NAA25: variants seen among roughly 807,000 people sequenced by gnomAD.
NAA25 encodes N-alpha-acetyltransferase 25, NatB auxiliary subunit, also known as N-terminal acetyltransferase B complex subunit NAA25.
Under a neutral mutation model 132.5 loss-of-function variants are expected in NAA25, and 30 were observed. The ratio of observed to expected loss-of-function variants is 0.23; its 90% CI spans 0.17 to 0.31. The LOEUF is 0.31. Among genes scored for constraint, NAA25 ranks in the 10% least tolerant of loss-of-function variants. The pLI, the probability that NAA25 is intolerant of heterozygous loss-of-function variation, is 1.00. For synonymous variants in NAA25, 359 were observed against 401.9 expected (o/e 0.89, Z 1.28); for missense variants, 771 against 1,150.4 (o/e 0.67, Z 4.77).
intron 19 of NAA25, chr12:112,042,341 A>G: frequency 4.2e-6 from 1 of 239,314 alleles, no homozygotes; most frequent in Non-Finnish European, 7.9e-6. Context: ...ATTCCTTAAG[A>G]GAGCTTAAAA....
At chr12:112,100,171 CTATT>C (rs1289815305) in intron 1 of NAA25, among the ~76,000 whole-genome samples, 4 of 152,056 alleles carry the variant, frequency 2.6e-5, no homozygotes, top group Non-Finnish European at 4.4e-5. Flanking sequence ...CATTTGCCTC[CTATT>C]TATTTATGAC....
At chr12:112,048,484 A>T in intron 15 of NAA25, 41 bp from the exon 16 acceptor site, 1 of 1,572,142 alleles carries the variant, frequency 6.4e-7, no homozygotes. Flanking sequence ...ATAGTTCACA[A>T]GTCAGGCAAT....
At chr12:112,067,787 T>C (rs1256376089) in intron 11 of NAA25, among the ~76,000 whole-genome samples, 2 of 152,186 alleles carry the variant, frequency 1.3e-5, no homozygotes, top group South Asian at 2.1e-4. Context: ...GAGTCAATCA[T>C]GTGGTTGCTG....
intron 10 of NAA25, 69 bp downstream of exon 10, chr12:112,071,826 C>CGGTGGACGCCG: frequency 8.0e-7 from 1 of 1,247,876 alleles, no homozygotes. Flanking sequence ...GTGTAGATCT[C>CGGTGGACGCCG]AACTAATGAA....
At chr12:112,072,276 T>C (rs1201846139) in intron 9 of NAA25, among the ~76,000 whole-genome samples, 1 of 152,144 alleles carries the variant, frequency 6.6e-6, no homozygotes, top group Admixed American at 6.6e-5. Context: ...CAGCATAACT[T>C]ACCTTTTTAA....
At chr12:112,071,835 A>C in intron 10 of NAA25, 60 bp downstream of exon 10, 1 of 1,217,420 alleles carries the variant, frequency 8.2e-7, no homozygotes, top group South Asian at 1.7e-5. Context: ...TCAACTAATG[A>C]ATATAGCACT....
At chr12:112,076,277 G>GA (rs1477769616) in intron 7 of NAA25, among the ~76,000 whole-genome samples, 1 of 151,980 alleles carries the variant, frequency 6.6e-6, no homozygotes, top group Non-Finnish European at 1.5e-5. Flanking sequence ...TTACTTCAAA[G>GA]AAAAAAGTAC....
intron 11 of NAA25, among the ~76,000 whole-genome samples, chr12:112,068,265 G>A (rs920362605): frequency 6.6e-6 from 1 of 152,132 alleles, no homozygotes; most frequent in Non-Finnish European, 1.5e-5. Context: ...GCTGCCCATA[G>A]ATAGAGATGG....
chr12:112,044,121 C>T (rs1401326738), intron 17 of NAA25, among the ~76,000 whole-genome samples: 3 of 151,380 alleles, frequency 2.0e-5, no homozygotes, highest in Non-Finnish European at 2.9e-5. Flanking sequence ...TTAGTAGAGA[C>T]GGGTTTTCAC....
chr12:112,045,774 G>A (rs986747298), intron 17 of NAA25, among the ~76,000 whole-genome samples: 69 of 151,990 alleles, frequency 4.5e-4, no homozygotes, highest in Admixed American at 4.4e-3. Context: ...TAGCCTGGGC[G>A]ACAGAGACAG....
intron 11 of NAA25, among the ~76,000 whole-genome samples, chr12:112,062,204 T>G (rs1481150987): frequency 6.6e-6 from 1 of 151,902 alleles, no homozygotes; most frequent in Non-Finnish European, 1.5e-5. Flanking sequence ...CAAGACCAGC[T>G]GGGCCAACAT....
At chr12:112,107,213 T>C (rs1025607123) in intron 1 of NAA25, among the ~76,000 whole-genome samples, 3 of 152,032 alleles carry the variant, frequency 2.0e-5, no homozygotes, top group African/African-American at 4.8e-5. Context: ...TGAACTGAGA[T>C]TGTGCCACTG....
rs753569650 is a variant in NAA25, at chr12:112,078,275, A to G, written c.586-9T>C. 18 of 1,591,746 alleles carry G rather than the reference A, an allele frequency of 1.1e-5. No homozygotes were observed. In the South Asian group the frequency reaches 1.9e-4, roughly 16 times the overall value. On this transcript the variant is annotated splice_polypyrimidine_tract_variant and intron_variant, in intron 6 of 23. Coordinates refer to ENST00000261745, the MANE Select transcript of NAA25 (RefSeq NM_024953.4). Reference sequence around the variant, plus strand: ...ATATAATAAAGTTCAACCTTACAGAAAAAAAACAAGAAGTGCAACCTCTGA... The same window carrying G: ...ATATAATAAAGTTCAACCTTACAGAGAAAAAACAAGAAGTGCAACCTCTGA...
Position 112,049,556 on chromosome 12 carries a change from C to A in NAA25, c.1729-1113G>T. 1.0e-6 allele frequency: 1 copy of A among 985,876 alleles called. No individual in the cohort carries two copies. The highest frequency in any genetic ancestry group is 1.2e-6 in the Non-Finnish European group (1 of 829,962). The allele number at this position is 985,876 out of a possible 1,614,324, so 61.1% of individuals were successfully genotyped here. A position where few individuals can be genotyped will look rare whatever the true frequency, so the allele number is the denominator to read the frequency against. ...CCACGGGCGCTAATTCAACTGCATT[C>A]GATGCGGCTTTTAAACCCCCATGGG... is the stretch of plus-strand genomic sequence containing the variant. On this transcript the variant is annotated intron_variant, in intron 15 of 23. Transcript: ENST00000261745. The surrounding 1 kb of genome is among the most constrained non-coding windows in gnomAD (Gnocchi z 4.7).
chr12:112,072,725 G>A (rs1433559149), intron 9 of NAA25, among the ~76,000 whole-genome samples: 10 of 152,136 alleles, frequency 6.6e-5, no homozygotes, highest in South Asian at 6.2e-4. Flanking sequence ...GACTGCTTGG[G>A]CCCATGAGTT....
rs1032036368 is a variant in NAA25, at chr12:112,103,593, T to A, written c.58+5123A>T. ...AGTCTTCACTCACCAAGGTACCCTG[T>A]CACTTCTGAGGCAAAATAGGACCAG... On this transcript the variant is annotated intron_variant, in intron 1 of 23. Transcript: ENST00000261745. Among the ~76,000 whole-genome samples, 5 of 152,310 alleles carry A rather than the reference T, an allele frequency of 3.3e-5. No homozygotes were observed. In the South Asian group the frequency reaches 1.0e-3, roughly 32 times the overall value.
chr12:112,032,351 G>A (rs1172453440), intron 23 of NAA25, among the ~76,000 whole-genome samples: 2 of 152,082 alleles, frequency 1.3e-5, no homozygotes, highest in African/African-American at 4.8e-5. Flanking sequence ...AAAGTCTAAC[G>A]TTTTTAAGCT....
rs965113142 is a variant in NAA25, at chr12:112,048,542, G to C, written c.1729-99C>G. 6 of 995,332 alleles carry C rather than the reference G, an allele frequency of 6.0e-6. No homozygotes were observed. In the African/African-American group the frequency reaches 8.1e-5, roughly 13 times the overall value. The allele number at this position is 995,332 out of a possible 1,614,324, so 61.7% of individuals were successfully genotyped here. On this transcript the variant is annotated intron_variant, in intron 15 of 23. Coordinates refer to ENST00000261745, the MANE Select transcript of NAA25 (RefSeq NM_024953.4). ...AACAAAACACTCAAACTAAAATTAA[G>C]TTTTAAATCTAATCTTTAAAGGTCT...
intron 19 of NAA25, 142 bp downstream of exon 19, chr12:112,042,946 C>T (rs2078322871): frequency 7.4e-6 from 5 of 672,660 alleles, no homozygotes; most frequent in Non-Finnish European, 1.2e-5. Context: ...TGTACCCTCT[C>T]ATACACTACA....
Sources: gnomAD v4.1 joint callset for allele counts (sites outside exome capture counted in the v4.1 genomes callset) on GRCh38, gnomAD v4.1.1 for gene constraint, Gnocchi (gnomAD v3.1) non-coding constraint, MANE v1.5 for transcripts, NCBI Gene and HGNC (gene_info 2026-07-23, HGNC 2026-07-21) for gene names.